KCNB2: variants seen among roughly 807,000 people sequenced by gnomAD.
KCNB2 encodes the protein potassium voltage-gated channel subfamily B member 2.
A neutral mutation model predicts 61.5 loss-of-function variants in KCNB2; 15 were observed. The observed-to-expected ratio is 0.24, with a 90% confidence interval of 0.16 to 0.38. The LOEUF is 0.38. Among genes scored for constraint, KCNB2 ranks in the 10% least tolerant of loss-of-function variants. The pLI, the probability that KCNB2 is intolerant of heterozygous loss-of-function variation, is 1.00. For missense variants in KCNB2, 828 were observed against 1,125.2 expected (o/e 0.74, Z 3.78); for synonymous variants, 457 against 446.0 (o/e 1.02, Z -0.31).
At chr8:72,602,862 A>G (rs1397030256) in intron 2 of KCNB2, among the ~76,000 whole-genome samples, 1 of 152,056 alleles carries the variant, frequency 6.6e-6, no homozygotes, top group East Asian at 1.9e-4. Flanking sequence ...TCTTCAGTAG[A>G]ATAGTTCTTC....
intron 2 of KCNB2, among the ~76,000 whole-genome samples, chr8:72,726,744 T>C (rs181604121): frequency 1.3e-3 from 195 of 152,354 alleles, no homozygotes; most frequent in African/African-American, 4.3e-3. Context: ...ACTTTTGTAA[T>C]CAGGAAAATC....
chr8:72,748,790 C>T (rs1459204478), intron 2 of KCNB2, among the ~76,000 whole-genome samples: 1 of 151,734 alleles, frequency 6.6e-6, no homozygotes, highest in Non-Finnish European at 1.5e-5. Context: ...AATATGCATA[C>T]ATTATGAAAT....
chr8:72,583,948 C>CAAAAAAAAAAAAAAAA (rs71566823), intron 2 of KCNB2, among the ~76,000 whole-genome samples: 5 of 100,826 alleles, frequency 5.0e-5, no homozygotes, highest in African/African-American at 8.2e-5. Context: ...AATAGAATAT[C>CAAAAAAAAAAAAAAAA]AAAAAAAAAA....
intron 2 of KCNB2, among the ~76,000 whole-genome samples, chr8:72,577,088 GA>G (rs1252032600): frequency 2.0e-5 from 3 of 152,164 alleles, no homozygotes; most frequent in Non-Finnish European, 4.4e-5. Flanking sequence ...TGCATAAAAT[GA>G]ATGTATTTTT....
chr8:72,817,084 T>C (rs967758492), intron 2 of KCNB2, among the ~76,000 whole-genome samples: 5 of 152,130 alleles, frequency 3.3e-5, no homozygotes, highest in African/African-American at 1.2e-4. Context: ...AAAACAGCCT[T>C]TAGAAAAATA....
intron 2 of KCNB2, among the ~76,000 whole-genome samples, chr8:72,627,297 G>A (rs931372733): frequency 6.6e-6 from 1 of 152,210 alleles, no homozygotes; most frequent in African/African-American, 2.4e-5. Context: ...GAAAAGGGCA[G>A]GTGATATTTA....
intron 2 of KCNB2, among the ~76,000 whole-genome samples, chr8:72,714,354 ATTG>A (rs568334237): frequency 0.024 from 3,715 of 152,256 alleles, 60 homozygotes; most frequent in South Asian, 0.075. Context: ...AAGACACATA[ATTG>A]TCAGATTCAC....
chr8:72,782,603 A>G (rs1808780014), intron 2 of KCNB2, among the ~76,000 whole-genome samples: 1 of 152,102 alleles, frequency 6.6e-6, no homozygotes, highest in African/African-American at 2.4e-5. Context: ...GCTCCTTGTT[A>G]TGACCCACTG....
At chr8:72,649,624 A>ATT (rs1806183821) in intron 2 of KCNB2, among the ~76,000 whole-genome samples, 2 of 152,282 alleles carry the variant, frequency 1.3e-5, no homozygotes, top group South Asian at 4.1e-4. Context: ...ATAAAAGGTG[A>ATT]TTTCCACTAT....
chr8:72,743,848 T>G, intron 2 of KCNB2, among the ~76,000 whole-genome samples: 1 of 152,178 alleles, frequency 6.6e-6, no homozygotes, highest in East Asian at 1.9e-4. Context: ...ACTTTGCCCT[T>G]AGAAAAATAT....
intron 2 of KCNB2, among the ~76,000 whole-genome samples, chr8:72,864,450 CA>C (rs1805480355): frequency 6.6e-6 from 1 of 152,074 alleles, no homozygotes; most frequent in Admixed American, 6.5e-5. Context: ...AAACAAAAAC[CA>C]AAGCAAAAAA....
intron 2 of KCNB2, among the ~76,000 whole-genome samples, chr8:72,774,612 G>T (rs1808615867): frequency 2.0e-5 from 3 of 152,134 alleles, no homozygotes; most frequent in African/African-American, 7.2e-5. Flanking sequence ...GCCTCCCAAA[G>T]TGCTGGGATT....
At position 72,812,645 on chromosome 8, in the gene KCNB2, T is replaced by C. The variant is rs1260093494; in HGVS notation, c.580-123290T>C. 5.3e-5 allele frequency among the ~76,000 whole-genome samples: 8 copies of C among 152,222 alleles called. No individual in the cohort carries two copies. In the East Asian group the frequency reaches 1.5e-3, roughly 29 times the overall value. On this transcript the variant is annotated intron_variant, in intron 2 of 2. Transcript: ENST00000523207. ...ACTACCTTTTCTGGGTCTATGGAGA[T>C]GACTATATGTTTTACCTAAGTCTGT...
At chr8:72,722,700 A>G (rs1807571730) in intron 2 of KCNB2, among the ~76,000 whole-genome samples, 1 of 152,260 alleles carries the variant, frequency 6.6e-6, no homozygotes, top group Non-Finnish European at 1.5e-5. Flanking sequence ...AAGTTAAAGC[A>G]CACTTTGCTC....
At chr8:72,771,385 T>A (rs1585883941) in intron 2 of KCNB2, among the ~76,000 whole-genome samples, 1 of 152,152 alleles carries the variant, frequency 6.6e-6, no homozygotes, top group East Asian at 1.9e-4. Flanking sequence ...AGCTATGGAG[T>A]TCTGCTTTCA....
intron 2 of KCNB2, among the ~76,000 whole-genome samples, chr8:72,900,992 G>A (rs1374747702): frequency 6.6e-6 from 1 of 152,094 alleles, no homozygotes; most frequent in Non-Finnish European, 1.5e-5. Context: ...TTATTACTGG[G>A]TATATACCCA....
chr8:72,616,992 C>T (rs1805629546), intron 2 of KCNB2, among the ~76,000 whole-genome samples: 1 of 152,142 alleles, frequency 6.6e-6, no homozygotes, highest in Admixed American at 6.5e-5. Context: ...TCTTGTAATG[C>T]TCTGTGGCTT....
At chr8:72,634,056 G>T (rs1171249759) in intron 2 of KCNB2, among the ~76,000 whole-genome samples, 7 of 152,122 alleles carry the variant, frequency 4.6e-5, no homozygotes, top group Admixed American at 3.9e-4. Context: ...TTGTCACCTT[G>T]CTGTGCACTG....
At chr8:72,903,736 A>C (rs7465440) in intron 2 of KCNB2, among the ~76,000 whole-genome samples, 118,155 of 152,128 alleles carry the variant, frequency 0.78, 46,613 homozygotes, top group Middle Eastern at 0.86. Context: ...CCCATGAAAG[A>C]TGGACATCTA....
Sources: allele counts gnomAD v4.1 joint callset (sites outside exome capture counted in the v4.1 genomes callset), GRCh38; gene constraint gnomAD v4.1.1; transcripts MANE v1.5; gene names NCBI Gene and HGNC (gene_info 2026-07-23, HGNC 2026-07-21).